Variants in UNC13C observed in about 807,000 individuals in gnomAD.
The protein encoded by UNC13C is protein unc-13 homolog C.
Under a neutral mutation model 245.4 loss-of-function variants are expected in UNC13C, and 174 were observed. That is an observed-to-expected ratio of 0.71 (90% CI 0.63 to 0.80). UNC13C has a LOEUF of 0.80. Ranked by LOEUF, UNC13C falls within the 30% of genes least tolerant of loss-of-function variation. The probability of loss-of-function intolerance (pLI) is 0.00; values close to 1 mark genes in which losing one functional copy is unlikely to be tolerated. For missense variants in UNC13C, 2,829 were observed against 2,602.9 expected, an observed-to-expected ratio of 1.09 and a Z score of -1.89; for synonymous variants, 992 against 895.1, an observed-to-expected ratio of 1.11 and a Z score of -1.93.
At chr15:54,469,735 A>G in intron 19 of UNC13C, among the ~76,000 whole-genome samples, 1 of 151,514 alleles carries the variant, frequency 6.6e-6, no homozygotes, top group East Asian at 1.9e-4. Flanking sequence ...TTTTCAATCA[A>G]TGGTTGGTTG....
chr15:54,306,657 G>A (rs2037732450), intron 13 of UNC13C, among the ~76,000 whole-genome samples: 1 of 152,068 alleles, frequency 6.6e-6, no homozygotes, highest in Non-Finnish European at 1.5e-5. Context: ...ATTTTCTTGA[G>A]TGTTTAATCA....
At chr15:54,144,945 A>G (rs1463293162) in intron 4 of UNC13C, among the ~76,000 whole-genome samples, 1 of 151,862 alleles carries the variant, frequency 6.6e-6, no homozygotes, top group Non-Finnish European at 1.5e-5. Flanking sequence ...TTAATTATCT[A>G]TCTATCTATA....
At chr15:54,098,672 T>A (rs1484724066) in intron 2 of UNC13C, among the ~76,000 whole-genome samples, 1 of 152,220 alleles carries the variant, frequency 6.6e-6, no homozygotes, top group East Asian at 1.9e-4. Context: ...ATAAATTACA[T>A]TTTTCTAAGT....
chr15:54,391,058 G>A (rs151143097), intron 17 of UNC13C, among the ~76,000 whole-genome samples: 1,826 of 152,134 alleles, frequency 0.012, 24 homozygotes, highest in Non-Finnish European at 0.018. Context: ...GACAGGTAAG[G>A]GACTTGGGAA....
chr15:54,631,108 G>A (rs1384811799), downstream of UNC13C: 3 of 152,184 alleles, frequency 2.0e-5, no homozygotes, highest in African/African-American at 4.8e-5. Context: ...ACACTGAGAG[G>A]CCGAGACAGG....
At position 54,516,799 on chromosome 15, in the gene UNC13C, C is replaced by CAAA. The variant is rs59628073; in HGVS notation, c.5457+4980_5457+4982dup. The stretch of plus-strand genomic sequence containing the variant: ...TGGAAAACGGAGTGAGATGCTGTCT[C>CAAA]AAAAAAAAAAAAAGTATCAGATAAT... On this transcript the variant is annotated intron_variant, in intron 24 of 32. Coordinates refer to ENST00000260323, the MANE Select transcript of UNC13C (RefSeq NM_001080534.3). 3.7e-3 allele frequency among the ~76,000 whole-genome samples: 453 copies of CAAA among 123,622 alleles called. 11 individuals are homozygous for CAAA. The highest frequency in any genetic ancestry group is 0.014 in the African/African-American group (432 of 31,368). 81.1% of individuals were successfully genotyped at this position (123,622 alleles called of 152,430 possible). A position where few individuals can be genotyped will look rare whatever the true frequency, so the allele number is the denominator to read the frequency against.
intron 29 of UNC13C, among the ~76,000 whole-genome samples, chr15:54,566,929 A>G (rs1407000190): frequency 6.6e-6 from 1 of 152,110 alleles, no homozygotes; most frequent in African/African-American, 2.4e-5. Flanking sequence ...TGTTTCCTCT[A>G]GCATTGTTGG....
At chr15:54,354,105 C>T (rs984688490) in intron 17 of UNC13C, among the ~76,000 whole-genome samples, 1 of 152,066 alleles carries the variant, frequency 6.6e-6, no homozygotes, top group African/African-American at 2.4e-5. Flanking sequence ...CAAATAGAGG[C>T]TCCCATCAAT....
At chr15:54,142,353 T>A (rs1167126033) in intron 2 of UNC13C, among the ~76,000 whole-genome samples, 3 of 152,208 alleles carry the variant, frequency 2.0e-5, no homozygotes, top group Non-Finnish European at 4.4e-5. Flanking sequence ...GAGCACCAGA[T>A]GGGAGATCAG....
chr15:54,093,312 CT>C (rs1214703905), intron 2 of UNC13C, among the ~76,000 whole-genome samples: 1 of 151,904 alleles, frequency 6.6e-6, no homozygotes, highest in African/African-American at 2.4e-5. Flanking sequence ...ATGGAATTAA[CT>C]TTTTGCTTTT....
intron 16 of UNC13C, among the ~76,000 whole-genome samples, chr15:54,334,139 A>C (rs756916628): frequency 2.0e-5 from 3 of 152,122 alleles, no homozygotes; most frequent in Admixed American, 6.6e-5. Flanking sequence ...CACTTAAAAA[A>C]TTTCCAAAGA....
intron 30 of UNC13C, among the ~76,000 whole-genome samples, chr15:54,621,339 ATACTG>A (rs1242105924): frequency 1.5e-4 from 23 of 152,344 alleles, no homozygotes; most frequent in African/African-American, 5.0e-4. Flanking sequence ...TTTAAAAACT[ATACTG>A]TAAACTTTTG....
chr15:54,413,868 T>C (rs927612749), intron 18 of UNC13C, among the ~76,000 whole-genome samples: 2 of 152,158 alleles, frequency 1.3e-5, no homozygotes, highest in Admixed American at 6.5e-5. Context: ...TGTTCTTTGA[T>C]ATAAATATTT....
the UNC13C span, among the ~76,000 whole-genome samples, chr15:53,895,345 CA>C: frequency 0.021 from 715 of 34,268 alleles, 1 homozygote; most frequent in African/African-American, 0.052. Flanking sequence ...GATTTCATCT[CA>C]AAAAAAAAAA....
Position 54,012,840 on chromosome 15 carries a change from C to A in UNC13C, c.-64C>A. On this transcript the variant is annotated 5_prime_UTR_variant, in exon 2 of 33. Coordinates refer to ENST00000260323, the MANE Select transcript of UNC13C (RefSeq NM_001080534.3). ...AACAGTGATGCTTGCCTTGGATTTT[C>A]AGGTTTTCATCCTGATACTTGTTTA... 7.6e-7 allele frequency: 1 copy of A among 1,308,632 alleles called. No individual in the cohort carries two copies. Among genetic ancestry groups the A allele is most frequent in the Non-Finnish European group, 1.1e-6 (1 of 944,524 alleles). The allele number at this position is 1,308,632 out of a possible 1,614,324, so 81.1% of individuals were successfully genotyped here. A position where few individuals can be genotyped will look rare whatever the true frequency, so the allele number is the denominator to read the frequency against.
At chr15:54,501,186 T>A (rs1162115691) in intron 22 of UNC13C, among the ~76,000 whole-genome samples, 1 of 152,138 alleles carries the variant, frequency 6.6e-6, no homozygotes, top group Non-Finnish European at 1.5e-5. Flanking sequence ...AAAACCTATT[T>A]ATTGTTCACT....
intron 1 of UNC13C, among the ~76,000 whole-genome samples, chr15:53,997,661 A>G (rs1894697250): frequency 6.6e-6 from 1 of 152,086 alleles, no homozygotes; most frequent in South Asian, 2.1e-4. Flanking sequence ...AAAGTTATCT[A>G]TACACATGTG....
intron 2 of UNC13C, among the ~76,000 whole-genome samples, chr15:54,037,468 A>C (rs997243279): frequency 6.6e-6 from 1 of 152,206 alleles, no homozygotes; most frequent in African/African-American, 2.4e-5. Flanking sequence ...GCTTAGCACA[A>C]TGCTTGTCAT....
At chr15:54,393,240 T>C in intron 18 of UNC13C, 59 bp downstream of exon 18, 1 of 1,392,308 alleles carries the variant, frequency 7.2e-7, no homozygotes, top group Non-Finnish European at 9.5e-7. Flanking sequence ...AAATAATACA[T>C]ATTTTAAGCG....
Sources: allele counts gnomAD v4.1 joint callset (sites outside exome capture counted in the v4.1 genomes callset), GRCh38; gene constraint gnomAD v4.1.1; transcripts MANE v1.5; gene names NCBI Gene and HGNC (gene_info 2026-07-23, HGNC 2026-07-21).